ZZEF1: variants seen among roughly 807,000 people sequenced by gnomAD.
ZZEF1 encodes the protein zinc finger ZZ-type and EF-hand domain-containing protein 1.
ZZEF1 carries 157 observed loss-of-function variants against 342.8 expected under a neutral mutation model. The ratio of observed to expected loss-of-function variants is 0.46; its 90% CI spans 0.40 to 0.52. The LOEUF (loss-of-function observed/expected upper bound fraction) is 0.52, where lower values mean the gene tolerates loss of function less well. Ranked by LOEUF, ZZEF1 falls within the 20% of genes least tolerant of loss-of-function variation. The probability of loss-of-function intolerance (pLI) is 0.00; values close to 1 mark genes in which losing one functional copy is unlikely to be tolerated. For missense variants in ZZEF1, 3,480 were observed against 3,725.6 expected (o/e 0.93, Z 1.72); for synonymous variants, 1,505 against 1,429.1 (o/e 1.05, Z -1.20).
rs1488146870 is a variant in ZZEF1, at chr17:4,013,433, C to T, written c.8579+16G>A. On this transcript the variant is annotated intron_variant, in intron 52 of 54. Transcript: ENST00000381638. The stretch of plus-strand genomic sequence containing the variant: ...CATATGCCTGGCAAAGGGCTGCCAT[C>T]CGGGACACCGCTTACCTGTGGCCGC... The T allele has an allele frequency of 9.5e-6, 15 of 1,584,264 alleles. No homozygotes were observed. The highest frequency in any genetic ancestry group is 1.1e-5 in the Non-Finnish European group (13 of 1,161,630).
intron 10 of ZZEF1, 64 bp from the exon 11 acceptor site, chr17:4,096,043 C>T (rs80251627): frequency 6.6e-7 from 1 of 1,513,402 alleles, no homozygotes; most frequent in Non-Finnish European, 8.9e-7. Flanking sequence ...GTTTTGTTTC[C>T]AGCATGGTTA....
Position 4,064,804 on chromosome 17 carries a change from A to G in ZZEF1, c.4275T>C (p.Leu1425=), listed in dbSNP as rs142925623. 207 of 1,601,414 alleles carry G rather than the reference A, an allele frequency of 1.3e-4. No individual in the cohort carries two copies. The highest frequency in any genetic ancestry group is 1.7e-4 in the Non-Finnish European group (194 of 1,174,042). The change falls in exon 29 of 55, where the codon CTT becomes CTC. Residue 1425 remains leucine (L), a synonymous_variant. Coordinates refer to ENST00000381638, the MANE Select transcript of ZZEF1 (RefSeq NM_015113.4). The stretch of plus-strand genomic sequence containing the variant: ...CCGTGGGCAGAAATTTTAGTAATAG[A>G]AGACTCTTCTCAATGCACTCTTTTG... ...SLAKECIEKS[L]LLLKFLPTGI...
intron 38 of ZZEF1, among the ~76,000 whole-genome samples, chr17:4,043,083 T>A (rs78108653): frequency 0.011 from 1,616 of 152,300 alleles, 23 homozygotes; most frequent in African/African-American, 0.037. Context: ...AAGACTGTCC[T>A]CCCAGAGCTC....
intron 1 of ZZEF1, among the ~76,000 whole-genome samples, chr17:4,126,242 AAAAG>A (rs1305186157): frequency 2.6e-5 from 4 of 151,768 alleles, no homozygotes; most frequent in Admixed American, 1.3e-4. Context: ...AAAAAAAAAA[AAAAG>A]AGTTAGGAGG....
intron 29 of ZZEF1, 30 bp from the exon 30 acceptor site, chr17:4,062,947 C>T (rs2057315563): frequency 1.3e-6 from 2 of 1,583,978 alleles, no homozygotes; most frequent in Middle Eastern, 2.3e-4. Context: ...CAGGAACACC[C>T]AGAAAACTCT....
chr17:4,088,966 C>A, intron 12 of ZZEF1, 73 bp from the exon 13 acceptor site: 1 of 1,458,394 alleles, frequency 6.9e-7, no homozygotes, highest in Non-Finnish European at 9.4e-7. Context: ...GGAAAAAGGC[C>A]TTTCCGGGAA....
intron 5 of ZZEF1, among the ~76,000 whole-genome samples, chr17:4,112,195 G>A (rs567869325): frequency 6.7e-6 from 1 of 150,138 alleles, no homozygotes; most frequent in Non-Finnish European, 1.5e-5. Flanking sequence ...ACCCAGGCTG[G>A]AGTGCAGTGG....
chr17:4,042,615 T>A (rs2056826467), intron 38 of ZZEF1, 47 bp from the exon 39 acceptor site: 4 of 1,590,916 alleles, frequency 2.5e-6, no homozygotes, highest in East Asian at 4.5e-5. Context: ...TCTCCACATG[T>A]ATGAAGAGGC....
At chr17:4,117,200 G>A in intron 2 of ZZEF1, 34 bp from the exon 3 acceptor site, 3 of 1,572,472 alleles carry the variant, frequency 1.9e-6, no homozygotes, top group South Asian at 1.2e-5. Flanking sequence ...GGTGTTTTGG[G>A]GAAGCCACAG....
At chr17:4,013,727 G>T in intron 51 of ZZEF1, 113 bp from the exon 52 acceptor site, 1 of 1,198,802 alleles carries the variant, frequency 8.3e-7, no homozygotes, top group Non-Finnish European at 1.1e-6. Flanking sequence ...TTTATAAACT[G>T]CTCAAATTTT....
At position 4,114,276 on chromosome 17, in the gene ZZEF1, A is replaced by G. The variant is rs1293305574; in HGVS notation, c.866+23T>C. On this transcript the variant is annotated intron_variant, in intron 4 of 54. Coordinates refer to ENST00000381638, the MANE Select transcript of ZZEF1 (RefSeq NM_015113.4). ...AAACAATCCAAAATTTTAAAAAACA[A>G]AAAAGTATTATATACCACCCACCGA... 2.0e-6 allele frequency: 3 copies of G among 1,489,296 alleles called. No homozygotes were observed. The South Asian group carries it at 4.2e-5, about 21-fold the overall frequency. 92.3% of individuals were successfully genotyped at this position (1,489,296 alleles called of 1,614,324 possible).
intron 9 of ZZEF1, among the ~76,000 whole-genome samples, chr17:4,097,126 T>C (rs927510597): frequency 6.6e-6 from 1 of 151,566 alleles, no homozygotes; most frequent in Non-Finnish European, 1.5e-5. Flanking sequence ...CCAGGTGTGG[T>C]GGCGGGCGCC....
intron 42 of ZZEF1, among the ~76,000 whole-genome samples, chr17:4,026,394 T>A (rs548175103): frequency 2.0e-5 from 3 of 152,090 alleles, no homozygotes; most frequent in East Asian, 3.8e-4. Context: ...ACATGCATAA[T>A]TGAATTGCTA....
chr17:4,110,954 C>T (rs1381333029), intron 5 of ZZEF1, among the ~76,000 whole-genome samples: 2 of 152,150 alleles, frequency 1.3e-5, no homozygotes, highest in Non-Finnish European at 2.9e-5. Context: ...CTCAAGTGAC[C>T]TGCATGCCTC....
intron 39 of ZZEF1, among the ~76,000 whole-genome samples, chr17:4,037,500 C>A (rs1281410577): frequency 6.6e-6 from 1 of 152,170 alleles, no homozygotes; most frequent in Non-Finnish European, 1.5e-5. Flanking sequence ...CTCATGATCA[C>A]GAAAGTAAAG....
At chr17:4,102,488 G>A in intron 8 of ZZEF1, 73 bp from the exon 9 acceptor site, 1 of 1,309,002 alleles carries the variant, frequency 7.6e-7, no homozygotes, top group Admixed American at 1.8e-5. Flanking sequence ...CCTATCTGTG[G>A]AAATAGAGTC....
chr17:4,088,587 G>A, intron 13 of ZZEF1, 91 bp downstream of exon 13: 1 of 1,391,180 alleles, frequency 7.2e-7, no homozygotes, highest in South Asian at 1.3e-5. Context: ...GCTTCCGCAG[G>A]GGCAGGTTTT....
rs1489564818 is a variant in ZZEF1 at position 4,102,307 on chromosome 17, C to T, written c.1672+10G>A. ...CGAGCACACTAGAAACAGACAGACC[C>T]ACCACTCACCATCCCTTGTCCACGG... On this transcript the variant is annotated intron_variant, in intron 9 of 54. Coordinates refer to ENST00000381638, the MANE Select transcript of ZZEF1 (RefSeq NM_015113.4). 1.9e-6 allele frequency: 3 copies of T among 1,612,618 alleles called. No homozygotes were observed. The highest frequency in any genetic ancestry group is 1.7e-5 in the Admixed American group (1 of 59,972).
intron 43 of ZZEF1, among the ~76,000 whole-genome samples, chr17:4,023,367 C>T (rs1423699110): frequency 6.6e-6 from 1 of 152,176 alleles, no homozygotes; most frequent in African/African-American, 2.4e-5. Flanking sequence ...TCCAACACTA[C>T]ATACTCAGTT....
Sources: gnomAD v4.1 joint callset for allele counts (sites outside exome capture counted in the v4.1 genomes callset) on GRCh38, gnomAD v4.1.1 for gene constraint, MANE v1.5 for transcripts, NCBI Gene and HGNC (gene_info 2026-07-23, HGNC 2026-07-21) for gene names.